PPFIBP2: variants seen among roughly 807,000 people sequenced by gnomAD.
The protein encoded by PPFIBP2 is PPFIB scaffold protein 2, also known as liprin-beta-2.
PPFIBP2 carries 118 observed loss-of-function variants against 118.3 expected under a neutral mutation model. The ratio of observed to expected loss-of-function variants is 1.00; its 90% CI spans 0.86 to 1.16. The LOEUF (loss-of-function observed/expected upper bound fraction) is 1.16. Among genes scored for constraint, PPFIBP2 ranks in the 50% most tolerant of loss-of-function variants. PPFIBP2 has a pLI of 0.00. For synonymous variants in PPFIBP2, 414 were observed against 397.4 expected (o/e 1.04, Z -0.50); for missense variants, 1,195 against 1,073.1 (o/e 1.11, Z -1.59).
At chr11:7,614,096 A>G (rs1232506459) in intron 6 of PPFIBP2, among the ~76,000 whole-genome samples, 2 of 152,194 alleles carry the variant, frequency 1.3e-5, no homozygotes, top group Non-Finnish European at 2.9e-5. Context: ...GTTTGCTCAG[A>G]GATGAGCTGG....
rs1406060846 is a variant in PPFIBP2 at position 7,632,901 on chromosome 11, C to T, written c.1103C>T (p.Pro368Leu). ...PPRCSSPTVG[P>L]PPLPQKSLET... is the part of the protein sequence containing the mutation. ...AGATGTAGCTCTCCTACAGTGGGGC[C>T]ACCTCCATTGCCACAGAAATCACTG... Residue 368 changes from proline (P) to leucine (L), a missense_variant, in exon 12 of 24, where the codon CCA becomes CTA. By Grantham distance (98) the Pro-to-Leu change is moderately conservative. Coordinates refer to ENST00000299492, the MANE Select transcript of PPFIBP2 (RefSeq NM_003621.5). 1.2e-6 allele frequency: 2 copies of T among 1,613,936 alleles called. No individual in the cohort carries two copies. Among genetic ancestry groups the T allele is most frequent in the Admixed American group, 3.3e-5 (2 of 60,012 alleles).
chr11:7,526,877 A>G (rs780314682), intron 1 of PPFIBP2, among the ~76,000 whole-genome samples: 1 of 152,044 alleles, frequency 6.6e-6, no homozygotes, highest in Non-Finnish European at 1.5e-5. Flanking sequence ...TGGACTGTGT[A>G]TATTCTTTGC....
chr11:7,577,185 G>A (rs1281628936), intron 3 of PPFIBP2: 3 of 176,006 alleles, frequency 1.7e-5, no homozygotes, highest in Admixed American at 5.8e-5. Context: ...GAATGGTCCC[G>A]TGTGTGTGTG....
intron 1 of PPFIBP2, among the ~76,000 whole-genome samples, chr11:7,518,973 G>C (rs115583045): frequency 0.062 from 9,359 of 152,166 alleles, 402 homozygotes; most frequent in Admixed American, 0.13. Flanking sequence ...AGATAGGGGC[G>C]TAAGGTGGCG....
At chr11:7,658,037 G>A (rs1014841599), downstream of PPFIBP2, among the ~76,000 whole-genome samples, 3 of 152,214 alleles carry the variant, frequency 2.0e-5, no homozygotes, top group Non-Finnish European at 4.4e-5. Context: ...CAAGGTCCCT[G>A]CCTAAAGGTG....
chr11:7,577,475 G>A, intron 3 of PPFIBP2: 1 of 437,904 alleles, frequency 2.3e-6, no homozygotes, highest in Admixed American at 2.4e-5. Context: ...TTTGAACACA[G>A]CTTGGAGTTC....
intron 5 of PPFIBP2, among the ~76,000 whole-genome samples, chr11:7,602,087 C>CAAAAAA (rs201003988): frequency 1.1e-3 from 62 of 56,124 alleles, no homozygotes; most frequent in Non-Finnish European, 1.3e-3. Flanking sequence ...GAATGAAACT[C>CAAAAAA]AAAAAAAAAA....
the PPFIBP2 span, among the ~76,000 whole-genome samples, chr11:7,664,751 G>A: frequency 6.6e-6 from 1 of 151,780 alleles, no homozygotes; most frequent in Admixed American, 6.5e-5. Context: ...CTTGAAAGCA[G>A]TGAAGGATCC....
At chr11:7,608,672 A>G (rs1847701351) in intron 5 of PPFIBP2, among the ~76,000 whole-genome samples, 1 of 151,716 alleles carries the variant, frequency 6.6e-6, no homozygotes, top group South Asian at 2.1e-4. Context: ...AACAAAAATA[A>G]CTCTGCTGCT....
chr11:7,614,467 C>T (rs1166053269), intron 6 of PPFIBP2, among the ~76,000 whole-genome samples: 1 of 152,182 alleles, frequency 6.6e-6, no homozygotes. Flanking sequence ...ATATCTATGT[C>T]TGCATATTGT....
rs975475068 is a variant in PPFIBP2 at position 7,620,979 on chromosome 11, G to C, written c.663G>C (p.Glu221Asp). ...ELRHLKIKVE[E>D]LENERNQYEW... ...GGCACCTCAAAATCAAAGTGGAAGA[G>C]TTGGAAAATGAAAGGAATCAGTATG... is the stretch of plus-strand genomic sequence containing the variant. The change falls in exon 7 of 24, where the codon GAG (glutamate) becomes GAC (aspartate). Residue 221 changes from glutamate (E) to aspartate (D), a missense_variant. Transcript: ENST00000299492. 2 of 1,613,488 alleles carry C rather than the reference G, an allele frequency of 1.2e-6. No individual in the cohort carries two copies. The highest frequency in any genetic ancestry group is 1.3e-5 in the African/African-American group (1 of 75,020).
At position 7,649,185 on chromosome 11, in the gene PPFIBP2, C is replaced by A; in HGVS notation, c.1948C>A (p.Gln650Lys). The change falls in exon 20 of 24, where the codon CAG becomes AAG. Residue 650 changes from glutamine to lysine, a missense_variant. Physicochemically the swap from Gln to Lys is moderately conservative, Grantham distance 53. Transcript: ENST00000299492. The part of the protein sequence containing the change: ...DDIGLPQYKD[Q>K]FHESRVDRRM... ...TATTGGCTTACCCCAGTACAAAGACCAGTTTCATGAATCTAGAGTTGACAG... is the reference window on the plus strand; with the variant it reads ...TATTGGCTTACCCCAGTACAAAGACAAGTTTCATGAATCTAGAGTTGACAG... The A allele has an allele frequency of 1.2e-6, 2 of 1,614,088 alleles. No individual in the cohort carries two copies. The highest frequency in any genetic ancestry group is 1.1e-5 in the South Asian group (1 of 91,072).
chr11:7,664,945 C>G, the PPFIBP2 span, among the ~76,000 whole-genome samples: 1 of 152,096 alleles, frequency 6.6e-6, no homozygotes, highest in African/African-American at 2.4e-5. Flanking sequence ...TGGAGAGATT[C>G]TTGAGAGTTG....
At position 7,649,139 on chromosome 11, in the gene PPFIBP2, A is replaced by G; in HGVS notation, c.1910-8A>G. 1 of 1,612,162 alleles carries G rather than the reference A, an allele frequency of 6.2e-7. No homozygotes were observed. The highest frequency in any genetic ancestry group is 8.5e-7 in the Non-Finnish European group (1 of 1,179,018). ...ATCCTGACACATCTGGGGTTTTTGT[A>G]TTTGTAGGGTGGCTTGATGATATTG... On this transcript the variant is annotated splice_region_variant and splice_polypyrimidine_tract_variant and intron_variant, in intron 19 of 23. Transcript: ENST00000299492.
intron 7 of PPFIBP2, among the ~76,000 whole-genome samples, chr11:7,621,317 G>T (rs1277788094): frequency 6.6e-6 from 1 of 152,170 alleles, no homozygotes; most frequent in Non-Finnish European, 1.5e-5. Context: ...GGCTAGGAGT[G>T]GGGAGAGCAG....
chr11:7,665,424 G>C, the PPFIBP2 span: 1 of 1,611,440 alleles, frequency 6.2e-7, no homozygotes, highest in Non-Finnish European at 8.5e-7. Flanking sequence ...TCCAGGTTAG[G>C]GTGAGCCGCC....
At chr11:7,586,548 C>A (rs937688523) in intron 3 of PPFIBP2, among the ~76,000 whole-genome samples, 4 of 152,174 alleles carry the variant, frequency 2.6e-5, no homozygotes, top group African/African-American at 9.7e-5. Context: ...GGTATGCTGA[C>A]CTAACTTGAC....
chr11:7,528,254 A>G (rs1285832692), intron 1 of PPFIBP2, among the ~76,000 whole-genome samples: 2 of 152,222 alleles, frequency 1.3e-5, no homozygotes. Flanking sequence ...AGATAGTCAC[A>G]AAGCATATCT....
intron 5 of PPFIBP2, among the ~76,000 whole-genome samples, chr11:7,604,205 A>G (rs1847038281): frequency 1.3e-5 from 2 of 152,224 alleles, no homozygotes; most frequent in South Asian, 4.1e-4. Flanking sequence ...TGGAGAAGAA[A>G]AAAGAAAGGT....
Sources: gnomAD v4.1 joint callset for allele counts (sites outside exome capture counted in the v4.1 genomes callset) on GRCh38, gnomAD v4.1.1 for gene constraint, MANE v1.5 for transcripts, NCBI Gene and HGNC (gene_info 2026-07-23, HGNC 2026-07-21) for gene names.